The following FAM227B variants were observed in gnomAD, a reference collection of about 807,000 sequenced individuals.
The protein encoded by FAM227B is family with sequence similarity 227 member B.
FAM227B carries 88 observed loss-of-function variants against 73.8 expected under a neutral mutation model. The ratio of observed to expected loss-of-function variants is 1.19; its 90% CI spans 1.00 to 1.42. The LOEUF is 1.42. FAM227B is among the 40% of genes most tolerant of loss of function. The pLI is 0.00. For synonymous variants in FAM227B, 210 were observed against 190.5 expected (o/e 1.10, Z -0.84); for missense variants, 632 against 590.9 (o/e 1.07, Z -0.72).
intron 8 of FAM227B, among the ~76,000 whole-genome samples, chr15:49,572,606 C>G (rs1222146734): frequency 2.0e-5 from 3 of 152,112 alleles, no homozygotes; most frequent in Non-Finnish European, 4.4e-5. Context: ...TTAAGCTGAT[C>G]ATTTTCATAC....
At chr15:49,510,629 C>T (rs1464264450) in intron 10 of FAM227B, among the ~76,000 whole-genome samples, 1 of 152,016 alleles carries the variant, frequency 6.6e-6, no homozygotes, top group Admixed American at 6.6e-5. Context: ...TTAGGGAGCT[C>T]CCTTCACCAG....
chr15:49,576,063 T>C (rs2075421491), intron 7 of FAM227B: 1 of 152,260 alleles, frequency 6.6e-6, no homozygotes, highest in African/African-American at 2.4e-5. Context: ...AAAATTATTA[T>C]GTATTCTGTG....
intron 9 of FAM227B, among the ~76,000 whole-genome samples, chr15:49,554,896 C>T (rs1162831828): frequency 6.6e-6 from 1 of 152,122 alleles, no homozygotes; most frequent in Non-Finnish European, 1.5e-5. Flanking sequence ...TTATCTTAAA[C>T]TAGAATAGCA....
At chr15:49,487,523 C>T (rs1403313508) in intron 11 of FAM227B, 2 of 151,768 alleles carry the variant, frequency 1.3e-5, no homozygotes, top group Non-Finnish European at 2.9e-5. Context: ...GAGGTAAATT[C>T]TTAGGGTTTC....
intron 10 of FAM227B, among the ~76,000 whole-genome samples, chr15:49,532,103 A>G (rs904287217): frequency 6.7e-6 from 1 of 150,198 alleles, no homozygotes; most frequent in South Asian, 2.1e-4. Flanking sequence ...GGGATTATCT[A>G]TATATAATAG....
chr15:49,535,383 A>G (rs2152245510), intron 10 of FAM227B, among the ~76,000 whole-genome samples: 1 of 151,888 alleles, frequency 6.6e-6, no homozygotes, highest in Middle Eastern at 3.4e-3. Context: ...AAGAAATAGG[A>G]AGCTGGAACA....
intron 11 of FAM227B, among the ~76,000 whole-genome samples, chr15:49,442,194 G>C (rs2051720148): frequency 6.6e-6 from 1 of 151,342 alleles, no homozygotes; most frequent in Admixed American, 6.6e-5. Context: ...TTTGCTAATG[G>C]AAAGATTCTA....
rs189847042 is a variant in FAM227B at position 49,511,930 on chromosome 15, T to C, written c.875-3582A>G. Among the ~76,000 whole-genome samples, 301 of 152,310 alleles carry C rather than the reference T, an allele frequency of 2.0e-3. 1 individual carries two copies. Among genetic ancestry groups the C allele is most frequent in the African/African-American group, 6.9e-3 (288 of 41,580 alleles). ...CAATGAACACACATGTACATGTCTT[T>C]GTAACAGAATGATTTATATTTCTTT... On this transcript the variant is annotated intron_variant, in intron 10 of 15. Coordinates refer to ENST00000299338, the MANE Select transcript of FAM227B (RefSeq NM_152647.3).
chr15:49,521,075 T>C (rs2059748060), intron 10 of FAM227B, among the ~76,000 whole-genome samples: 1 of 152,176 alleles, frequency 6.6e-6, no homozygotes. Context: ...TGTGCATGTG[T>C]GTTCACGCTC....
intron 10 of FAM227B, among the ~76,000 whole-genome samples, chr15:49,532,716 T>G (rs550165867): frequency 6.6e-6 from 1 of 152,012 alleles, no homozygotes; most frequent in African/African-American, 2.4e-5. Flanking sequence ...ACCATTTTAT[T>G]GTTTAATCAG....
At chr15:49,449,557 G>C (rs78546262) in intron 11 of FAM227B, among the ~76,000 whole-genome samples, 1 of 151,934 alleles carries the variant, frequency 6.6e-6, no homozygotes, top group Non-Finnish European at 1.5e-5. Context: ...GAATCAGCAA[G>C]ATTACTGCCT....
intron 1 of FAM227B, among the ~76,000 whole-genome samples, chr15:49,616,516 A>G (rs2153343918): frequency 6.6e-6 from 1 of 152,204 alleles, no homozygotes; most frequent in East Asian, 1.9e-4. Flanking sequence ...TCTATATAAG[A>G]GAAGAGGCTT....
chr15:49,375,863 T>A (rs563367070), intron 11 of FAM227B, among the ~76,000 whole-genome samples: 1 of 152,192 alleles, frequency 6.6e-6, no homozygotes, highest in African/African-American at 2.4e-5. Context: ...TTGAGAATAA[T>A]AAAATTAGAA....
Position 49,328,132 on chromosome 15 carries a change from T to G in FAM227B, c.*436A>C, listed in dbSNP as rs147218231. 1.4e-5 allele frequency: 23 copies of G among 1,613,720 alleles called. No individual in the cohort carries two copies. The highest frequency in any genetic ancestry group is 1.9e-5 in the Non-Finnish European group (22 of 1,179,912). ...GTTTGTTTGCTACCAAACCTGGAGG[T>G]GGGGCTTTGGTTTTGCTTGAGGCCT... On this transcript the variant is annotated 3_prime_UTR_variant, in exon 16 of 16. Transcript: ENST00000299338.
intron 11 of FAM227B, chr15:49,484,421 A>C (rs955716371): frequency 6.3e-7 from 1 of 1,593,448 alleles, no homozygotes; most frequent in Admixed American, 1.7e-5. Flanking sequence ...TGTTGCCTTA[A>C]ATCAAAAGGG....
chr15:49,416,886 G>C (rs977192986), intron 11 of FAM227B, among the ~76,000 whole-genome samples: 4 of 152,010 alleles, frequency 2.6e-5, no homozygotes, highest in African/African-American at 9.7e-5. Flanking sequence ...AAAGAAATCA[G>C]AGATGACACA....
chr15:49,430,565 T>C (rs2050518372), intron 11 of FAM227B, among the ~76,000 whole-genome samples: 2 of 151,814 alleles, frequency 1.3e-5, no homozygotes, highest in Admixed American at 6.6e-5. Flanking sequence ...GAAAAGAAAT[T>C]TATTCTTCAC....
intron 11 of FAM227B, among the ~76,000 whole-genome samples, chr15:49,417,179 G>A (rs558602304): frequency 6.6e-6 from 1 of 152,170 alleles, no homozygotes; most frequent in African/African-American, 2.4e-5. Flanking sequence ...ACTGCTTGAG[G>A]CCAGGAGTTT....
intron 11 of FAM227B, chr15:49,487,313 T>C (rs2056477573): frequency 6.6e-6 from 1 of 151,762 alleles, no homozygotes; most frequent in African/African-American, 2.4e-5. Context: ...ATACATGAGT[T>C]TCTAACAATT....
Sources: allele counts gnomAD v4.1 joint callset (sites outside exome capture counted in the v4.1 genomes callset), GRCh38; gene constraint gnomAD v4.1.1; transcripts MANE v1.5; gene names NCBI Gene and HGNC (gene_info 2026-07-23, HGNC 2026-07-21).